Variants in CWF19L2 observed in about 807,000 individuals in gnomAD.
CWF19L2 encodes CWF19 like cell cycle control factor 2.
A neutral mutation model predicts 111.7 loss-of-function variants in CWF19L2; 98 were observed. That is an observed-to-expected ratio of 0.88 (90% CI 0.75 to 1.04). The LOEUF (loss-of-function observed/expected upper bound fraction) is 1.04, where lower values mean the gene tolerates loss of function less well. Ranked by LOEUF, CWF19L2 falls within the 50% of genes least tolerant of loss-of-function variation. The pLI is 0.00. For missense variants in CWF19L2, 1,101 were observed against 1,051.4 expected (o/e 1.05, Z -0.65); for synonymous variants, 351 against 342.9 (o/e 1.02, Z -0.26).
At position 107,428,998 on chromosome 11, in the gene CWF19L2, T is replaced by C. The variant is rs1337220909; in HGVS notation, c.1234A>G (p.Ser412Gly). The C allele has an allele frequency of 4.3e-6, 7 of 1,613,816 alleles. No homozygotes were observed. Among genetic ancestry groups the C allele is most frequent in the Non-Finnish European group, 5.9e-6 (7 of 1,179,808 alleles). Residue 412 changes from serine (S) to glycine (G), a missense_variant, in exon 8 of 18, where the codon AGT (serine) becomes GGT (glycine). By Grantham distance (56) the Ser-to-Gly change is moderately conservative (BLOSUM62 0). Coordinates refer to ENST00000282251, the MANE Select transcript of CWF19L2 (RefSeq NM_152434.3). ...CSGFRKPTKNSEERLTSWSRS... is the reference protein window; with the variant it reads ...CSGFRKPTKNGEERLTSWSRS... ...CTCCATGATGTTAATCTTTCTTCAC[T>C]GTTCTTGGTGGGTTTTCTAAAACCA...
At position 107,330,035 on chromosome 11, in the gene CWF19L2, A is replaced by C. The variant is rs775916537; in HGVS notation, c.2440-16T>G. The C allele has an allele frequency of 4.7e-6, 7 of 1,477,286 alleles. No individual in the cohort carries two copies. The highest frequency in any genetic ancestry group is 5.5e-6 in the Non-Finnish European group (6 of 1,090,016). 91.5% of individuals were successfully genotyped at this position (1,477,286 alleles called of 1,614,324 possible). A position where few individuals can be genotyped will look rare whatever the true frequency, so the allele number is the denominator to read the frequency against. ...CTCTGGGTACCTAAATAAACAGACA[A>C]ATCACAAATGGAATACAGTATGAAA... On this transcript the variant is annotated splice_polypyrimidine_tract_variant and intron_variant, in intron 16 of 17. Coordinates refer to ENST00000282251, the MANE Select transcript of CWF19L2 (RefSeq NM_152434.3).
intron 12 of CWF19L2, 99 bp downstream of exon 12, chr11:107,389,975 C>T (rs1860823667): frequency 1.0e-6 from 1 of 996,892 alleles, no homozygotes; most frequent in Non-Finnish European, 1.5e-6. Context: ...TAAAATGAAT[C>T]AAGATTAGAG....
intron 15 of CWF19L2, among the ~76,000 whole-genome samples, chr11:107,335,798 A>G (rs1859914458): frequency 6.6e-6 from 1 of 152,226 alleles, no homozygotes; most frequent in South Asian, 2.1e-4. Flanking sequence ...AAGATAAAAT[A>G]ACATTCAAAT....
intron 12 of CWF19L2, among the ~76,000 whole-genome samples, chr11:107,359,883 G>T (rs1860297455): frequency 6.6e-6 from 1 of 152,194 alleles, no homozygotes; most frequent in Non-Finnish European, 1.5e-5. Flanking sequence ...AAAAGGCATT[G>T]TATTGGCTGA....
At chr11:107,328,401 A>C (rs756862921) in intron 17 of CWF19L2, among the ~76,000 whole-genome samples, 1 of 152,190 alleles carries the variant, frequency 6.6e-6, no homozygotes, top group Non-Finnish European at 1.5e-5. Context: ...CTACCATATA[A>C]GCTTGACTCT....
intron 5 of CWF19L2, 53 bp downstream of exon 5, chr11:107,441,450 T>A: frequency 7.1e-7 from 1 of 1,413,624 alleles, no homozygotes; most frequent in Admixed American, 3.1e-5. Context: ...AAATGTCTTG[T>A]AAGTTTATTA....
intron 8 of CWF19L2, among the ~76,000 whole-genome samples, chr11:107,420,709 G>C (rs1440774854): frequency 6.6e-6 from 1 of 151,754 alleles, no homozygotes; most frequent in Non-Finnish European, 1.5e-5. Flanking sequence ...TTATAAATAA[G>C]GTATAGTAAG....
intron 9 of CWF19L2, among the ~76,000 whole-genome samples, chr11:107,417,830 G>A (rs1861249051): frequency 1.3e-5 from 2 of 151,596 alleles, no homozygotes; most frequent in South Asian, 4.2e-4. Flanking sequence ...CGTGATCTTG[G>A]CTCACTGCAA....
chr11:107,352,513 T>A (rs887405105), intron 13 of CWF19L2, among the ~76,000 whole-genome samples: 1 of 152,148 alleles, frequency 6.6e-6, no homozygotes, highest in African/African-American at 2.4e-5. Context: ...ATGACTAGAA[T>A]CAGGCAAAAA....
intron 13 of CWF19L2, among the ~76,000 whole-genome samples, chr11:107,349,478 C>A (rs1195867963): frequency 6.6e-6 from 1 of 152,118 alleles, no homozygotes; most frequent in Non-Finnish European, 1.5e-5. Context: ...GTTTATCAGG[C>A]CTTCCTTCTC....
At chr11:107,387,959 C>T (rs1860794609) in intron 12 of CWF19L2, among the ~76,000 whole-genome samples, 1 of 152,176 alleles carries the variant, frequency 6.6e-6, no homozygotes, top group Admixed American at 6.5e-5. Context: ...CTCTTCCTCC[C>T]TCTACTACCA....
intron 3 of CWF19L2, among the ~76,000 whole-genome samples, chr11:107,452,162 A>G (rs1156318738): frequency 3.9e-5 from 6 of 152,180 alleles, no homozygotes; most frequent in African/African-American, 1.2e-4. Flanking sequence ...CACATGACAT[A>G]CCATTTACCT....
At chr11:107,402,949 G>C (rs1269128863) in intron 10 of CWF19L2, among the ~76,000 whole-genome samples, 4 of 145,102 alleles carry the variant, frequency 2.8e-5, no homozygotes, top group African/African-American at 7.7e-5. Flanking sequence ...TATAGCATTT[G>C]TGATGACCTG....
intron 8 of CWF19L2, among the ~76,000 whole-genome samples, chr11:107,419,818 T>C (rs1861278454): frequency 6.6e-6 from 1 of 152,140 alleles, no homozygotes; most frequent in Non-Finnish European, 1.5e-5. Flanking sequence ...TATCCCACCA[T>C]ACATGTAACG....
chr11:107,362,003 C>T (rs142656674), intron 12 of CWF19L2, among the ~76,000 whole-genome samples: 243 of 152,280 alleles, frequency 1.6e-3, no homozygotes, highest in African/African-American at 3.9e-3. Flanking sequence ...GAGGCATTGC[C>T]GCACTTGGGA....
chr11:107,353,848 TAAAAG>T (rs756207826), intron 12 of CWF19L2, 112 bp from the exon 13 acceptor site: 20 of 734,608 alleles, frequency 2.7e-5, no homozygotes, highest in Non-Finnish European at 4.4e-5. Context: ...CTAATACATT[TAAAAG>T]AAAAGAAAAA....
intron 8 of CWF19L2, among the ~76,000 whole-genome samples, chr11:107,425,564 T>A (rs1348271191): frequency 6.6e-6 from 1 of 151,904 alleles, no homozygotes; most frequent in Non-Finnish European, 1.5e-5. Flanking sequence ...TAATAATGAA[T>A]CTGCCTAATG....
At position 107,442,792 on chromosome 11, in the gene CWF19L2, AAGGGAGGGAGGGAGGG is replaced by A. The variant is rs1273005963; in HGVS notation, c.450+131_450+146del. 8.1e-3 allele frequency: 1,322 copies of A among 162,326 alleles called. 70 individuals are homozygous for A. Among genetic ancestry groups the A allele is most frequent in the East Asian group, 0.027 (218 of 8,078 alleles). The allele number at this position is 162,326 out of a possible 1,614,324, so 10.1% of individuals were successfully genotyped here. ...GAAGGAAGGAAGGAAGGAAGGAAGG[AAGGGAGGGAGGGAGGG>A]AGGGAGGGAGGGGGAGGGAGGGAGA... On this transcript the variant is annotated intron_variant, in intron 4 of 17. Transcript: ENST00000282251.
chr11:107,442,783 GAAGGAAGGA>G (rs1565287262), intron 4 of CWF19L2, among the ~76,000 whole-genome samples, 147 bp downstream of exon 4: 57 of 52,696 alleles, frequency 1.1e-3, no homozygotes, highest in African/African-American at 6.1e-3. Context: ...AGGAAGGAAG[GAAGGAAGGA>G]AGGGAGGGAG....
Sources: allele counts gnomAD v4.1 joint callset (sites outside exome capture counted in the v4.1 genomes callset), GRCh38; gene constraint gnomAD v4.1.1; transcripts MANE v1.5; gene names NCBI Gene and HGNC (gene_info 2026-07-23, HGNC 2026-07-21).